The following OBI1 variants were observed in gnomAD, a reference collection of about 807,000 sequenced individuals.
OBI1 encodes ring finger protein 219.
OBI1 carries 59 observed loss-of-function variants against 62.4 expected under a neutral mutation model. That is an observed-to-expected ratio of 0.95 (90% CI 0.77 to 1.17). The LOEUF (loss-of-function observed/expected upper bound fraction) is 1.17. OBI1 is among the 50% of genes most tolerant of loss of function. OBI1 has a pLI of 0.00. For missense variants in OBI1, 875 were observed against 830.9 expected (o/e 1.05, Z -0.65); for synonymous variants, 302 against 292.8 (o/e 1.03, Z -0.32).
chr13:78,640,083 A>G (rs1876165999), intron 3 of OBI1, among the ~76,000 whole-genome samples: 1 of 152,216 alleles, frequency 6.6e-6, no homozygotes, highest in Admixed American at 6.5e-5. Flanking sequence ...ATGAATTCCA[A>G]CAGGGAAGTA....
chr13:78,657,217 T>C (rs1876738662), intron 1 of OBI1, among the ~76,000 whole-genome samples: 1 of 152,096 alleles, frequency 6.6e-6, no homozygotes, highest in Non-Finnish European at 1.5e-5. Context: ...GCACATAAGA[T>C]TAAGACAAAA....
intron 3 of OBI1, 126 bp downstream of exon 3, chr13:78,641,992 ATTTC>A: frequency 4.6e-6 from 2 of 437,776 alleles, no homozygotes; most frequent in Non-Finnish European, 8.2e-6. Flanking sequence ...TTATCAAACA[ATTTC>A]TTTTTATAGG....
At chr13:78,643,392 G>A (rs570376569) in intron 2 of OBI1, among the ~76,000 whole-genome samples, 7 of 152,116 alleles carry the variant, frequency 4.6e-5, no homozygotes, top group Non-Finnish European at 8.8e-5. Context: ...CTTCACCCAG[G>A]TACCAAGAGC....
chr13:78,654,073 C>A (rs1876626121), intron 1 of OBI1, among the ~76,000 whole-genome samples: 1 of 149,160 alleles, frequency 6.7e-6, no homozygotes, highest in African/African-American at 2.5e-5. Flanking sequence ...TCACTTAATG[C>A]CTATAGAACT....
Position 78,659,070 on chromosome 13 carries a change from C to A in OBI1, c.51G>T (p.Thr17=), listed in dbSNP as rs750665190. The A allele has an allele frequency of 6.2e-7, 1 of 1,612,894 alleles. No homozygotes were observed. Among genetic ancestry groups the A allele is most frequent in the African/African-American group, 1.3e-5 (1 of 74,902 alleles). Residue 17 remains threonine (T), a synonymous_variant, in exon 1 of 6, where the codon ACG becomes ACT. Transcript: ENST00000282003. ...TTACCTTCCCCAAGCAAATGTGGCA[C>A]GTGATGGGCAGAGTGAGCGACAATG... ...NVTLSLTLPI[T]CHICLGKVRQ...
Position 78,651,092 on chromosome 13 carries a change from G to C in OBI1, c.73-6095C>G, listed in dbSNP as rs192818462. Among the ~76,000 whole-genome samples, 5 of 152,204 alleles carry C rather than the reference G, an allele frequency of 3.3e-5. No individual in the cohort carries two copies. The East Asian group carries it at 9.6e-4, about 29-fold the overall frequency. On this transcript the variant is annotated intron_variant, in intron 1 of 5. Transcript: ENST00000282003. ...ATTGTTAAGATACAATCAGATTCCA[G>C]AGATGTTATAATTTGAAAAAAAATG... is the stretch of plus-strand genomic sequence containing the variant.
chr13:78,615,447 C>G lies in OBI1; in HGVS notation c.*133G>C. 1.6e-6 allele frequency: 1 copy of G among 615,052 alleles called. No homozygotes were observed. Among genetic ancestry groups the G allele is most frequent in the East Asian group, 2.7e-5 (1 of 36,710 alleles). The allele number at this position is 615,052 out of a possible 1,614,324, so 38.1% of individuals were successfully genotyped here. ...AGTATTCTGGGTACAGGTTAATCCA[C>G]CATCCTGACTTGATACTTGACTAAA... On this transcript the variant is annotated 3_prime_UTR_variant, in exon 6 of 6. Transcript: ENST00000282003.
chr13:78,657,065 G>A (rs1223747691), intron 1 of OBI1, among the ~76,000 whole-genome samples: 3 of 151,974 alleles, frequency 2.0e-5, no homozygotes, highest in Non-Finnish European at 2.9e-5. Flanking sequence ...GATTACAGGC[G>A]TGAGCCACCG....
rs558642713 is a variant in OBI1 at position 78,658,234 on chromosome 13, T to TA, written c.72+814dup. On this transcript the variant is annotated intron_variant, in intron 1 of 5. Transcript: ENST00000282003. ...TCAGGGTGGAAAAAAGTTGGTGGTT[T>TA]ATCTTTCCCCTTCTTTATCTATTCG... is the stretch of plus-strand genomic sequence containing the variant. Among the ~76,000 whole-genome samples, 268 of 152,258 alleles carry TA rather than the reference T, an allele frequency of 1.8e-3. 1 individual carries two copies. The highest frequency in any genetic ancestry group is 6.2e-3 in the African/African-American group (257 of 41,560).
chr13:78,615,963 G>C lies in OBI1; in HGVS notation c.1798C>G (p.Gln600Glu). ...NLSKGSLTND[Q>E]LENGSEWKPT... Reference sequence around the variant, plus strand: ...TTCCATTCACTTCCATTTTCTAACTGATCATTAGTTAGAGAACCTTTGGAA... The same window carrying C: ...TTCCATTCACTTCCATTTTCTAACTCATCATTAGTTAGAGAACCTTTGGAA... Residue 600 changes from glutamine (Q) to glutamate (E), a missense_variant, in exon 6 of 6, where the codon CAG becomes GAG. Physicochemically the swap from Gln to Glu is conservative, Grantham distance 29. Coordinates refer to ENST00000282003, the MANE Select transcript of OBI1 (RefSeq NM_024546.4). 6.2e-7 allele frequency: 1 copy of C among 1,613,726 alleles called. No homozygotes were observed. The highest frequency in any genetic ancestry group is 8.5e-7 in the Non-Finnish European group (1 of 1,179,862).
intron 4 of OBI1, among the ~76,000 whole-genome samples, chr13:78,636,063 G>C (rs950284607): frequency 6.6e-6 from 1 of 151,932 alleles, no homozygotes; most frequent in Non-Finnish European, 1.5e-5. Context: ...TGCCAGGCCT[G>C]GATCAGTATT....
intron 5 of OBI1, among the ~76,000 whole-genome samples, chr13:78,632,545 G>A (rs1366341498): frequency 6.6e-6 from 1 of 152,122 alleles, no homozygotes; most frequent in Non-Finnish European, 1.5e-5. Context: ...ACCTAACCAA[G>A]CCGAAAAGAG....
At chr13:78,641,804 A>G (rs1324419614) in intron 3 of OBI1, among the ~76,000 whole-genome samples, 2 of 151,386 alleles carry the variant, frequency 1.3e-5, no homozygotes, top group Non-Finnish European at 2.9e-5. Flanking sequence ...ATACAAAATG[A>G]TATGTCTGTG....
At chr13:78,628,949 T>C (rs1046517454) in intron 5 of OBI1, among the ~76,000 whole-genome samples, 2 of 151,850 alleles carry the variant, frequency 1.3e-5, no homozygotes, top group Non-Finnish European at 2.9e-5. Context: ...CTCTGACACA[T>C]AGGCAGACAA....
At chr13:78,649,131 A>G (rs763798891) in intron 1 of OBI1, among the ~76,000 whole-genome samples, 1 of 152,230 alleles carries the variant, frequency 6.6e-6, no homozygotes, top group Non-Finnish European at 1.5e-5. Context: ...CCCATTTTTA[A>G]GTGGACAAGT....
chr13:78,629,021 T>C (rs1025883825), intron 5 of OBI1, among the ~76,000 whole-genome samples: 4 of 152,088 alleles, frequency 2.6e-5, no homozygotes, highest in African/African-American at 4.8e-5. Flanking sequence ...AAAATACAAA[T>C]AGAGCAAAAA....
At chr13:78,642,866 G>A (rs1350250655) in intron 2 of OBI1, among the ~76,000 whole-genome samples, 3 of 150,022 alleles carry the variant, frequency 2.0e-5, no homozygotes, top group Non-Finnish European at 3.0e-5. Flanking sequence ...CAGCCTGGGC[G>A]ACAAAGCGAG....
At chr13:78,627,092 G>A (rs1463931010) in intron 5 of OBI1, among the ~76,000 whole-genome samples, 1 of 152,048 alleles carries the variant, frequency 6.6e-6, no homozygotes, top group Non-Finnish European at 1.5e-5. Flanking sequence ...GTTACAACAG[G>A]CTAGGCAAGA....
Position 78,626,349 on chromosome 13 carries a change from C to T in OBI1, c.638+8761G>A, listed in dbSNP as rs548663320. ...AAAGGAAGATACACACACATATATA[C>T]GTATTTTGTACAAATACACAAATGT... is the stretch of plus-strand genomic sequence containing the variant. On this transcript the variant is annotated intron_variant, in intron 5 of 5. Coordinates refer to ENST00000282003, the MANE Select transcript of OBI1 (RefSeq NM_024546.4). Among the ~76,000 whole-genome samples the T allele has an allele frequency of 1.9e-4, 29 of 152,272 alleles. No homozygotes were observed. The East Asian group carries it at 2.7e-3, about 14-fold the overall frequency.
Sources: gnomAD v4.1 joint callset for allele counts (sites outside exome capture counted in the v4.1 genomes callset) on GRCh38, gnomAD v4.1.1 for gene constraint, MANE v1.5 for transcripts, NCBI Gene and HGNC (gene_info 2026-07-23, HGNC 2026-07-21) for gene names.